Variants in PARD3B observed in about 807,000 individuals in gnomAD.
The protein encoded by PARD3B is partitioning defective 3 homolog B.
PARD3B carries 103 observed loss-of-function variants against 130.2 expected under a neutral mutation model. The observed-to-expected ratio is 0.79, with a 90% CI of 0.67 to 0.93. PARD3B has a LOEUF of 0.93. Ranked by LOEUF, PARD3B falls within the 40% of genes least tolerant of loss-of-function variation. PARD3B has a pLI of 0.00. For missense variants in PARD3B, 1,609 were observed against 1,499.2 expected (o/e 1.07, Z -1.21); for synonymous variants, 583 against 553.2 (o/e 1.05, Z -0.76).
In PARD3B at chr2:205,519,632, G is replaced by A. The variant is rs182739093; in HGVS notation, c.3180+19601G>A. Among the ~76,000 whole-genome samples, 50 of 152,344 alleles carry A rather than the reference G, an allele frequency of 3.3e-4. No individual in the cohort carries two copies. The East Asian group carries it at 6.4e-3, about 19-fold the overall frequency. ...CTCTTGTTAGAGAGCTGATGAGGTT[G>A]TTTGGAGGACATATGGTACTCTGGC... On this transcript the variant is annotated intron_variant, in intron 21 of 22. Coordinates refer to ENST00000406610, the MANE Select transcript of PARD3B (RefSeq NM_001302769.2).
Position 205,351,272 on chromosome 2 carries a change from C to T in PARD3B, c.2630+49571C>T, listed in dbSNP as rs1157684530. Among the ~76,000 whole-genome samples the T allele has an allele frequency of 2.6e-5, 4 of 152,078 alleles. No individual in the cohort carries two copies. The highest frequency in any genetic ancestry group is 4.8e-5 in the African/African-American group (2 of 41,400). Reference sequence around the variant, plus strand: ...ATAAATACGGGTACATCTTTGAAACCGGTGTTTTTGATAAGACCACTCCTT... The same window carrying T: ...ATAAATACGGGTACATCTTTGAAACTGGTGTTTTTGATAAGACCACTCCTT... On this transcript the variant is annotated intron_variant, in intron 18 of 22. Coordinates refer to ENST00000406610, the MANE Select transcript of PARD3B (RefSeq NM_001302769.2). The surrounding 1 kb of genome is among the most constrained non-coding windows in gnomAD (Gnocchi z 4.2).
At chr2:204,877,557 G>C (rs2045892538) in intron 2 of PARD3B, among the ~76,000 whole-genome samples, 1 of 152,088 alleles carries the variant, frequency 6.6e-6, no homozygotes, top group Non-Finnish European at 1.5e-5. Context: ...TGCCTATACT[G>C]AGAGAAGACT....
chr2:205,607,553 T>G (rs2055045540), intron 22 of PARD3B, among the ~76,000 whole-genome samples: 1 of 152,172 alleles, frequency 6.6e-6, no homozygotes, highest in Non-Finnish European at 1.5e-5. Context: ...GGTAACATTG[T>G]TATGAGGAAT....
At chr2:204,976,062 A>C (rs1344527790) in intron 3 of PARD3B, among the ~76,000 whole-genome samples, 1 of 152,174 alleles carries the variant, frequency 6.6e-6, no homozygotes, top group Non-Finnish European at 1.5e-5. Context: ...TAAGGTGAAG[A>C]GTTATGCGAG....
At chr2:205,406,948 C>A (rs1215663575) in intron 19 of PARD3B, among the ~76,000 whole-genome samples, 1 of 152,176 alleles carries the variant, frequency 6.6e-6, no homozygotes, top group Non-Finnish European at 1.5e-5. Context: ...GGATTACAGG[C>A]ATAAGCCACT....
intron 2 of PARD3B, among the ~76,000 whole-genome samples, chr2:204,752,097 TACAC>T (rs984570237): frequency 1.4e-4 from 22 of 152,304 alleles, no homozygotes; most frequent in Admixed American, 2.0e-4. Context: ...GCATAATCAT[TACAC>T]ACCAGGGTTA....
chr2:205,195,958 A>G (rs1328891331), intron 15 of PARD3B, among the ~76,000 whole-genome samples: 8 of 152,164 alleles, frequency 5.3e-5, no homozygotes, highest in Non-Finnish European at 7.4e-5. Flanking sequence ...CATATTTGCT[A>G]CTAAGACCAA....
intron 18 of PARD3B, among the ~76,000 whole-genome samples, chr2:205,361,300 A>G (rs1216871065): frequency 6.6e-6 from 1 of 152,208 alleles, no homozygotes; most frequent in Non-Finnish European, 1.5e-5. Context: ...AGAAGATGGT[A>G]GATGGAAAAT....
chr2:205,374,890 C>T (rs2044978878), intron 18 of PARD3B, among the ~76,000 whole-genome samples: 1 of 152,104 alleles, frequency 6.6e-6, no homozygotes, highest in African/African-American at 2.4e-5. Context: ...TGCCACCATG[C>T]ATGAGCACAA....
At chr2:204,547,975 T>C (rs1484112362) in intron 1 of PARD3B, among the ~76,000 whole-genome samples, 1 of 152,220 alleles carries the variant, frequency 6.6e-6, no homozygotes, top group Non-Finnish European at 1.5e-5. Flanking sequence ...TATATATTAG[T>C]GAATGTGACA....
chr2:205,256,294 A>G (rs2105743131), intron 16 of PARD3B, among the ~76,000 whole-genome samples: 1 of 152,190 alleles, frequency 6.6e-6, no homozygotes, highest in South Asian at 2.1e-4. Flanking sequence ...TCTATTGCAT[A>G]GAGTGGGGCA....
At chr2:205,449,328 C>A (rs1415613550) in intron 20 of PARD3B, among the ~76,000 whole-genome samples, 2 of 151,476 alleles carry the variant, frequency 1.3e-5, no homozygotes, top group Non-Finnish European at 2.9e-5. Flanking sequence ...CTCCCAGGTT[C>A]AAGTGATTCT....
intron 2 of PARD3B, among the ~76,000 whole-genome samples, chr2:204,739,374 A>C (rs1017128752): frequency 2.6e-5 from 4 of 152,140 alleles, no homozygotes; most frequent in African/African-American, 9.7e-5. Flanking sequence ...CTATTTATTG[A>C]AATGAGTATG....
rs1003625459 is a variant in PARD3B, at chr2:205,021,477, A to G, written c.395-26104A>G. Reference sequence around the variant, plus strand: ...CAACGGCTGCTCACACAGCCTCTGGAAGTGGTAACTTTGGAAGGACTGGTT... The same window carrying G: ...CAACGGCTGCTCACACAGCCTCTGGGAGTGGTAACTTTGGAAGGACTGGTT... On this transcript the variant is annotated intron_variant, in intron 3 of 22. Coordinates refer to ENST00000406610, the MANE Select transcript of PARD3B (RefSeq NM_001302769.2). This position sits in a 1 kb window ranked among gnomAD's most constrained non-coding sequence, Gnocchi z 4.5. Among the ~76,000 whole-genome samples, 1 of 152,014 alleles carries G rather than the reference A, an allele frequency of 6.6e-6. No homozygotes were observed. Among genetic ancestry groups the G allele is most frequent in the Admixed American group, 6.6e-5 (1 of 15,234 alleles).
Position 205,158,769 on chromosome 2 carries a change from G to T in PARD3B, c.1482G>T (p.Gln494His), listed in dbSNP as rs796506335. The change falls in exon 11 of 23, where the codon CAG (glutamine) becomes CAT (histidine). Residue 494 changes from glutamine to histidine, a missense_variant. Physicochemically the swap from Gln to His is conservative, Grantham distance 24. Transcript: ENST00000406610. This position sits in a 1 kb window ranked among gnomAD's most constrained non-coding sequence, Gnocchi z 5.4. ...CACTCTCTCTGGAGACAAGCGAGCA[G>T]CTCACCTTTGAGATCCCCCTGAATG... ...CCALSLETSE[Q>H]LTFEIPLNDS... 6.2e-7 allele frequency: 1 copy of T among 1,614,190 alleles called. No individual in the cohort carries two copies. The highest frequency in any genetic ancestry group is 8.5e-7 in the Non-Finnish European group (1 of 1,180,018).
At position 205,461,223 on chromosome 2, in the gene PARD3B, A is replaced by T. The variant is rs937074030; in HGVS notation, c.3044+20551A>T. ...GTCGAGACTCAAAGAGTGAGTAGCCATGAGAATTTGGGTGCTGAAAGAGGC... is the reference window on the plus strand; with the variant it reads ...GTCGAGACTCAAAGAGTGAGTAGCCTTGAGAATTTGGGTGCTGAAAGAGGC... On this transcript the variant is annotated intron_variant, in intron 20 of 22. Transcript: ENST00000406610. This position sits in a 1 kb window ranked among gnomAD's most constrained non-coding sequence, Gnocchi z 4.3. Among the ~76,000 whole-genome samples, 1 of 152,214 alleles carries T rather than the reference A, an allele frequency of 6.6e-6. No homozygotes were observed. The highest frequency in any genetic ancestry group is 1.5e-5 in the Non-Finnish European group (1 of 68,032).
chr2:205,280,551 G>C lies in PARD3B; in HGVS notation c.2186-19979G>C, dbSNP rs574482627. 4.9e-4 allele frequency among the ~76,000 whole-genome samples: 75 copies of C among 152,260 alleles called. No homozygotes were observed. Among genetic ancestry groups the C allele is most frequent in the Middle Eastern group, 3.4e-3 (1 of 294 alleles). On this transcript the variant is annotated intron_variant, in intron 16 of 22. Coordinates refer to ENST00000406610, the MANE Select transcript of PARD3B (RefSeq NM_001302769.2). The surrounding 1 kb of genome is among the most constrained non-coding windows in gnomAD (Gnocchi z 4.7). Reference sequence around the variant, plus strand: ...CTCTTTTTTCTTAAGGGAGGGCTTTGGTTCTCAGAGAATATCAAATTCCGA... The same window carrying C: ...CTCTTTTTTCTTAAGGGAGGGCTTTCGTTCTCAGAGAATATCAAATTCCGA...
chr2:204,933,560 T>C (rs1161232206), intron 2 of PARD3B, among the ~76,000 whole-genome samples: 1 of 152,224 alleles, frequency 6.6e-6, no homozygotes, highest in Non-Finnish European at 1.5e-5. Context: ...TTTAGAAATA[T>C]GTGCTGTGTT....
At chr2:205,541,347 GTT>G (rs34760169) in intron 21 of PARD3B, among the ~76,000 whole-genome samples, 406 of 122,070 alleles carry the variant, frequency 3.3e-3, no homozygotes, top group Admixed American at 5.2e-3. Flanking sequence ...CAGAAACTTT[GTT>G]TTTTTTTTTT....
Sources: gnomAD v4.1 joint callset for allele counts (sites outside exome capture counted in the v4.1 genomes callset) on GRCh38, gnomAD v4.1.1 for gene constraint, Gnocchi (gnomAD v3.1) non-coding constraint, MANE v1.5 for transcripts, NCBI Gene and HGNC (gene_info 2026-07-23, HGNC 2026-07-21) for gene names.